PRTFDC1: variants seen among roughly 807,000 people sequenced by gnomAD.
PRTFDC1 encodes the protein phosphoribosyltransferase domain-containing protein 1.
Under a neutral mutation model 34.6 loss-of-function variants are expected in PRTFDC1, and 38 were observed. That is an observed-to-expected ratio of 1.10 (90% CI 0.85 to 1.44). The LOEUF is 1.44. Among genes scored for constraint, PRTFDC1 ranks in the 40% most tolerant of loss-of-function variants. The pLI is 0.00. For synonymous variants in PRTFDC1, 93 were observed against 98.1 expected (o/e 0.95, Z 0.31); for missense variants, 270 against 283.0 (o/e 0.95, Z 0.33).
At chr10:24,884,215 T>C (rs1848128265) in intron 3 of PRTFDC1, among the ~76,000 whole-genome samples, 1 of 151,826 alleles carries the variant, frequency 6.6e-6, no homozygotes, top group Admixed American at 6.6e-5. Context: ...ATGAAAATGA[T>C]TTTTCAAAAG....
chr10:24,901,461 A>G (rs111265883), intron 3 of PRTFDC1, among the ~76,000 whole-genome samples: 2,106 of 152,334 alleles, frequency 0.014, 59 homozygotes, highest in African/African-American at 0.048. Context: ...AGGCTGAAAC[A>G]GGAATGTAAT....
chr10:24,922,817 G>C (rs1056466652), intron 3 of PRTFDC1, among the ~76,000 whole-genome samples: 6 of 152,290 alleles, frequency 3.9e-5, no homozygotes, highest in African/African-American at 1.4e-4. Flanking sequence ...CGGCCCATAG[G>C]GGGCAAGCCG....
chr10:24,930,169 G>A (rs74551114), intron 3 of PRTFDC1, among the ~76,000 whole-genome samples: 11 of 152,262 alleles, frequency 7.2e-5, no homozygotes, highest in African/African-American at 2.6e-4. Context: ...TCAGGAGTTA[G>A]TATGAAGCCT....
chr10:24,917,665 A>C (rs1332575347), intron 3 of PRTFDC1, among the ~76,000 whole-genome samples: 5 of 152,122 alleles, frequency 3.3e-5, no homozygotes, highest in African/African-American at 4.8e-5. Context: ...GCTGATGGGA[A>C]AGAGTTATGT....
intron 7 of PRTFDC1, among the ~76,000 whole-genome samples, chr10:24,853,231 G>A (rs995424061): frequency 2.0e-5 from 3 of 152,020 alleles, no homozygotes; most frequent in Non-Finnish European, 4.4e-5. Flanking sequence ...TGCAGTCCCA[G>A]CTATTCAAGA....
intron 4 of PRTFDC1, among the ~76,000 whole-genome samples, chr10:24,869,667 GA>G (rs1847842911): frequency 6.6e-6 from 1 of 152,214 alleles, no homozygotes; most frequent in African/African-American, 2.4e-5. Context: ...AAAGCTAAGT[GA>G]AATTTTTTTC....
chr10:24,928,575 CTGGG>C (rs1848916799), intron 3 of PRTFDC1, among the ~76,000 whole-genome samples: 1 of 152,132 alleles, frequency 6.6e-6, no homozygotes. Flanking sequence ...TCCCAAGTAG[CTGGG>C]ATTACACGTG....
At chr10:24,938,969 C>T (rs10764511) in intron 2 of PRTFDC1, among the ~76,000 whole-genome samples, 36,397 of 152,070 alleles carry the variant, frequency 0.24, 4,791 homozygotes, top group East Asian at 0.39. Flanking sequence ...GTAGGCCAAA[C>T]ACTAAGCTAT....
At chr10:24,879,694 T>G (rs893460193) in intron 3 of PRTFDC1, among the ~76,000 whole-genome samples, 1 of 152,162 alleles carries the variant, frequency 6.6e-6, no homozygotes, top group African/African-American at 2.4e-5. Flanking sequence ...AATGTTCTGC[T>G]ACCAAAAAAC....
intron 5 of PRTFDC1, 99 bp from the exon 6 acceptor site, chr10:24,857,094 T>A: frequency 9.8e-7 from 1 of 1,018,910 alleles, no homozygotes; most frequent in Non-Finnish European, 1.6e-6. Flanking sequence ...GCATCGTAAT[T>A]AAAAATGCCA....
intron 4 of PRTFDC1, among the ~76,000 whole-genome samples, chr10:24,866,709 T>A (rs1347035760): frequency 6.6e-6 from 1 of 152,046 alleles, no homozygotes; most frequent in African/African-American, 2.4e-5. Flanking sequence ...AGGGCTCACT[T>A]TATTCAACAG....
chr10:24,910,656 C>A (rs992531024), intron 3 of PRTFDC1, among the ~76,000 whole-genome samples: 6 of 152,124 alleles, frequency 3.9e-5, no homozygotes, highest in Non-Finnish European at 7.4e-5. Context: ...CAAAATAATG[C>A]AAGCCCACTT....
chr10:24,918,891 G>T (rs1371354976), intron 3 of PRTFDC1, among the ~76,000 whole-genome samples: 1 of 152,106 alleles, frequency 6.6e-6, no homozygotes, highest in African/African-American at 2.4e-5. Context: ...CCTCCTTCTG[G>T]GAAGCAGTGT....
At chr10:24,852,485 A>G (rs1296929883) in intron 7 of PRTFDC1, among the ~76,000 whole-genome samples, 1 of 152,210 alleles carries the variant, frequency 6.6e-6, no homozygotes, top group Non-Finnish European at 1.5e-5. Context: ...TCTGTTGTCC[A>G]GGCGTGTGAT....
intron 2 of PRTFDC1, among the ~76,000 whole-genome samples, chr10:24,940,543 A>G (rs756258801): frequency 2.3e-4 from 35 of 152,248 alleles, no homozygotes; most frequent in Admixed American, 1.0e-3. Context: ...AATCAAAAGG[A>G]CAGACAATAT....
chr10:24,948,187 C>T lies in PRTFDC1; in HGVS notation c.48+4341G>A, dbSNP rs74976594. Among the ~76,000 whole-genome samples, 1,305 of 152,310 alleles carry T rather than the reference C, an allele frequency of 8.6e-3. 65 individuals are homozygous for T. Among genetic ancestry groups the T allele is most frequent in the Admixed American group, 0.074 (1,131 of 15,294 alleles). ...CCAGCCATAACAGAAACACAACAAT[C>T]ATTTCTGATTTCTCTCTTCTCCTGA... On this transcript the variant is annotated intron_variant, in intron 1 of 8. Transcript: ENST00000320152.
At chr10:24,880,994 CTCCT>C (rs1018049376) in intron 3 of PRTFDC1, among the ~76,000 whole-genome samples, 1 of 144,796 alleles carries the variant, frequency 6.9e-6, no homozygotes, top group African/African-American at 2.6e-5. Context: ...TCCTCCCTCC[CTCCT>C]TCCTTCCTTT....
rs779110555 is a variant in PRTFDC1 at position 24,855,370 on chromosome 10, A to G, written c.507-6T>C. ...ATGTTCTCTTCACCAACAAACTACC[A>G]TTAAAAAAGACATGCTTTAGTGAAC... On this transcript the variant is annotated splice_polypyrimidine_tract_variant and splice_region_variant and intron_variant, in intron 6 of 8. Transcript: ENST00000320152. 2 of 1,614,046 alleles carry G rather than the reference A, an allele frequency of 1.2e-6. No individual in the cohort carries two copies. The highest frequency in any genetic ancestry group is 1.7e-6 in the Non-Finnish European group (2 of 1,179,934).
At chr10:24,878,019 G>A (rs1415223000) in intron 3 of PRTFDC1, among the ~76,000 whole-genome samples, 4 of 151,814 alleles carry the variant, frequency 2.6e-5, no homozygotes, top group African/African-American at 7.3e-5. Flanking sequence ...GGTGGCTCAC[G>A]CCTGTAATCC....
Sources: allele counts gnomAD v4.1 joint callset (sites outside exome capture counted in the v4.1 genomes callset), GRCh38; gene constraint gnomAD v4.1.1; transcripts MANE v1.5; gene names NCBI Gene and HGNC (gene_info 2026-07-23, HGNC 2026-07-21).